PARVB: variants seen among roughly 807,000 people sequenced by gnomAD.
PARVB encodes parvin beta, also known as beta-parvin.
PARVB carries 46 observed loss-of-function variants against 47.0 expected under a neutral mutation model. That is an observed-to-expected ratio of 0.98 (90% CI 0.77 to 1.25). PARVB has a LOEUF of 1.25. Ranked by LOEUF, PARVB falls within the 50% of genes most tolerant of loss-of-function variation. The pLI is 0.00. For synonymous variants in PARVB, 196 were observed against 196.3 expected (o/e 1.00, Z 0.01); for missense variants, 473 against 471.6 (o/e 1.00, Z -0.03).
At chr22:44,005,311 C>T (rs8137707) in intron 2 of PARVB, among the ~76,000 whole-genome samples, 20,641 of 145,518 alleles carry the variant, frequency 0.14, 1,596 homozygotes, top group East Asian at 0.21. Context: ...CAGGGTGTTG[C>T]TATATTGCCT....
chr22:44,132,365 G>A lies in PARVB; in HGVS notation c.518-529G>A, dbSNP rs576998475. On this transcript the variant is annotated intron_variant, in intron 5 of 12. Coordinates refer to ENST00000338758, the MANE Select transcript of PARVB (RefSeq NM_013327.5). The stretch of plus-strand genomic sequence containing the variant: ...ACTGTAAAACCCTGCAGGAGAAGTG[G>A]TGATGTTGACCAAACCTGAGTCCGC... Among the ~76,000 whole-genome samples the A allele has an allele frequency of 7.2e-5, 11 of 152,348 alleles. No homozygotes were observed. The South Asian group carries it at 2.3e-3, about 32-fold the overall frequency.
chr22:44,151,596 T>C, intron 10 of PARVB, 45 bp downstream of exon 10: 5 of 1,468,756 alleles, frequency 3.4e-6, no homozygotes, highest in Non-Finnish European at 4.8e-6. Context: ...CACCGCCATT[T>C]TCAGTCAGTG....
chr22:44,132,561 G>A (rs1488373543), intron 5 of PARVB, among the ~76,000 whole-genome samples: 1 of 152,142 alleles, frequency 6.6e-6, no homozygotes, highest in East Asian at 1.9e-4. Context: ...TGGGTAAGTG[G>A]CCGTGACCTG....
At chr22:44,100,584 C>T (rs1382081687) in intron 3 of PARVB, among the ~76,000 whole-genome samples, 1 of 152,140 alleles carries the variant, frequency 6.6e-6, no homozygotes, top group Non-Finnish European at 1.5e-5. Flanking sequence ...TCAGTTTCCA[C>T]CACGTCTGGA....
intron 1 of PARVB, among the ~76,000 whole-genome samples, chr22:44,072,448 G>T (rs1466523877): frequency 3.3e-5 from 5 of 152,004 alleles, no homozygotes; most frequent in Non-Finnish European, 5.9e-5. Context: ...TTTTTGTTTG[G>T]TTGGTTTTTT....
chr22:44,157,969 TC>T lies in PARVB; in HGVS notation c.844-12del. On this transcript the variant is annotated splice_polypyrimidine_tract_variant and intron_variant, in intron 10 of 12. Coordinates refer to ENST00000338758, the MANE Select transcript of PARVB (RefSeq NM_013327.5). ...TTACCCTGCCCGGAAACATCACAAG[TC>T]TTTCTCTGCAGTTTGCAGATGGCGT... 4.4e-6 allele frequency: 7 copies of T among 1,598,592 alleles called. No homozygotes were observed. The highest frequency in any genetic ancestry group is 6.0e-6 in the Non-Finnish European group (7 of 1,166,338).
At chr22:44,045,521 A>G (rs1382006804) in intron 1 of PARVB, among the ~76,000 whole-genome samples, 1 of 152,138 alleles carries the variant, frequency 6.6e-6, no homozygotes, top group Non-Finnish European at 1.5e-5. Flanking sequence ...GCATGCAGTC[A>G]TTCATTCAAG....
chr22:44,097,222 C>T (rs1284634184), intron 2 of PARVB, among the ~76,000 whole-genome samples: 5 of 152,322 alleles, frequency 3.3e-5, no homozygotes, highest in African/African-American at 1.2e-4. Context: ...AGTCCTGTTC[C>T]TCAATGCAGG....
chr22:44,021,529 C>G (rs150574158), upstream of PARVB, among the ~76,000 whole-genome samples: 7 of 152,234 alleles, frequency 4.6e-5, no homozygotes, highest in Non-Finnish European at 7.4e-5. Context: ...TGTTTCCACA[C>G]TGCTTCAGGA....
intron 6 of PARVB, among the ~76,000 whole-genome samples, chr22:44,134,076 T>C (rs1344185012): frequency 1.3e-5 from 2 of 152,016 alleles, no homozygotes; most frequent in African/African-American, 4.8e-5. Flanking sequence ...GGCTCCACTT[T>C]CCTCTGGTTT....
chr22:44,163,878 C>T lies in PARVB; in HGVS notation c.966C>T (p.Ala322=). 1 of 1,611,008 alleles carries T rather than the reference C, an allele frequency of 6.2e-7. No individual in the cohort carries two copies. Among genetic ancestry groups the T allele is most frequent in the South Asian group, 1.1e-5 (1 of 90,058 alleles). The change falls in exon 12 of 13, where the codon GCC becomes GCT. Residue 322 remains alanine (A), a synonymous_variant. Transcript: ENST00000338758. Reference sequence around the variant, plus strand: ...GGCAGGTCCACAATGTGTCCTTCGCCTTTGAGCTGATGCTGGACGGAGGCC... The same window carrying T: ...GGCAGGTCCACAATGTGTCCTTCGCTTTTGAGCTGATGCTGGACGGAGGCC... ...FDQKVHNVSF[A]FELMLDGGLK...
chr22:44,136,264 C>T (rs1033467423), intron 6 of PARVB, among the ~76,000 whole-genome samples, 196 bp from the exon 7 acceptor site: 15 of 152,082 alleles, frequency 9.9e-5, no homozygotes, highest in Admixed American at 2.0e-4. Context: ...AGGTTGTGGT[C>T]GCTGAAAGGC....
At chr22:44,007,593 C>A (rs559784699) in intron 2 of PARVB, among the ~76,000 whole-genome samples, 31 of 152,276 alleles carry the variant, frequency 2.0e-4, no homozygotes, top group Non-Finnish European at 3.7e-4. Flanking sequence ...CTTTTCCAAT[C>A]CCCCAAGGCA....
At chr22:44,014,355 C>A (rs956478133) in intron 2 of PARVB, among the ~76,000 whole-genome samples, 4 of 152,166 alleles carry the variant, frequency 2.6e-5, no homozygotes, top group Admixed American at 6.6e-5. Flanking sequence ...TGGAACTGGC[C>A]TCTTCAGAAG....
At chr22:44,080,696 C>T (rs1425190714) in intron 1 of PARVB, among the ~76,000 whole-genome samples, 1 of 152,222 alleles carries the variant, frequency 6.6e-6, no homozygotes, top group Non-Finnish European at 1.5e-5. Flanking sequence ...GAGACAGTGA[C>T]AGATGGAGTA....
rs545066235 is a variant in PARVB, at chr22:44,005,755, G to A, written c.211+6082G>A. On this transcript the variant is annotated intron_variant, in intron 2 of 13. Transcript: ENST00000406477. ...CCTCCCACAACCAATCAGACTGGTCGCAGGCCACTTCTTCATTTACATCGG... is the reference window on the plus strand; with the variant it reads ...CCTCCCACAACCAATCAGACTGGTCACAGGCCACTTCTTCATTTACATCGG... Among the ~76,000 whole-genome samples the A allele has an allele frequency of 4.6e-5, 7 of 152,200 alleles. 1 individual carries two copies. Among genetic ancestry groups the A allele is most frequent in the East Asian group, 1.9e-4 (1 of 5,176 alleles).
chr22:44,098,568 C>T (rs556192669), intron 2 of PARVB, among the ~76,000 whole-genome samples: 2 of 152,220 alleles, frequency 1.3e-5, no homozygotes, highest in South Asian at 2.1e-4. Context: ...GCCTTGGAGG[C>T]CACATGGAGG....
chr22:44,168,069 G>A (rs964263936), intron 12 of PARVB: 3 of 158,252 alleles, frequency 1.9e-5, no homozygotes, highest in African/African-American at 7.2e-5. Flanking sequence ...GGCCTCGAGC[G>A]TTACCTGGTC....
At chr22:44,029,372 T>C (rs985263690) in intron 1 of PARVB, among the ~76,000 whole-genome samples, 1 of 152,228 alleles carries the variant, frequency 6.6e-6, no homozygotes, top group African/African-American at 2.4e-5. Flanking sequence ...TCATGTGTTT[T>C]GCAAATATTT....
Sources: allele counts gnomAD v4.1 joint callset (sites outside exome capture counted in the v4.1 genomes callset), GRCh38; gene constraint gnomAD v4.1.1; transcripts MANE v1.5; gene names NCBI Gene and HGNC (gene_info 2026-07-23, HGNC 2026-07-21).